CCDC91: variants seen among roughly 807,000 people sequenced by gnomAD.
CCDC91 encodes the protein coiled-coil domain-containing protein 91.
CCDC91 carries 48 observed loss-of-function variants against 63.2 expected under a neutral mutation model. The observed-to-expected ratio is 0.76, with a 90% CI of 0.60 to 0.97. The LOEUF (loss-of-function observed/expected upper bound fraction) is 0.97, where lower values mean the gene tolerates loss of function less well. Ranked by LOEUF, CCDC91 falls within the 50% of genes least tolerant of loss-of-function variation. The probability of loss-of-function intolerance (pLI) is 0.00; values close to 1 mark genes in which losing one functional copy is unlikely to be tolerated. For missense variants in CCDC91, 500 were observed against 494.6 expected (o/e 1.01, Z -0.10); for synonymous variants, 167 against 165.8 (o/e 1.01, Z -0.06).
intron 12 of CCDC91, among the ~76,000 whole-genome samples, chr12:28,527,706 A>G (rs1941390627): frequency 6.6e-6 from 1 of 152,184 alleles, no homozygotes; most frequent in East Asian, 1.9e-4. Context: ...GTGGTAGGAA[A>G]GGACCATTAG....
chr12:28,335,953 A>T (rs11049539), intron 6 of CCDC91, among the ~76,000 whole-genome samples: 30,653 of 145,132 alleles, frequency 0.21, 4,009 homozygotes, highest in Non-Finnish European at 0.3. Flanking sequence ...TTTTTTTTTT[A>T]AAAAAAAACC....
At chr12:28,448,903 G>A (rs191235968) in intron 8 of CCDC91, among the ~76,000 whole-genome samples, 55 of 151,960 alleles carry the variant, frequency 3.6e-4, no homozygotes, top group African/African-American at 9.2e-4. Flanking sequence ...GAAATTCTGC[G>A]TGCATCTAGA....
chr12:28,417,809 G>A (rs187401315), intron 8 of CCDC91, among the ~76,000 whole-genome samples: 4 of 152,036 alleles, frequency 2.6e-5, no homozygotes, highest in South Asian at 2.1e-4. Context: ...TCCCAATGCC[G>A]TACATTAAGT....
intron 1 of CCDC91, among the ~76,000 whole-genome samples, chr12:28,198,283 G>C (rs1266017414): frequency 6.6e-6 from 1 of 152,130 alleles, no homozygotes; most frequent in East Asian, 1.9e-4. Flanking sequence ...TGCAATTGTA[G>C]TAAAGACAGT....
At chr12:28,203,326 G>C (rs1053861777) in intron 1 of CCDC91, among the ~76,000 whole-genome samples, 1 of 152,176 alleles carries the variant, frequency 6.6e-6, no homozygotes, top group Non-Finnish European at 1.5e-5. Context: ...TTGCTTTATG[G>C]AGGAAAGGAT....
intron 6 of CCDC91, among the ~76,000 whole-genome samples, chr12:28,334,695 TC>T (rs1941790164): frequency 6.6e-6 from 1 of 152,320 alleles, no homozygotes; most frequent in South Asian, 2.1e-4. Context: ...TTTTTGGATT[TC>T]TGGGTTGCCT....
rs60083355 is a variant in CCDC91 at position 28,458,455 on chromosome 12, C to CTTTTTTTTTTTTTTT, written c.1101+5819_1101+5833dup. Among the ~76,000 whole-genome samples, 31 of 45,806 alleles carry CTTTTTTTTTTTTTTT rather than the reference C, an allele frequency of 6.8e-4. 7 individuals are homozygous for CTTTTTTTTTTTTTTT. Among genetic ancestry groups the CTTTTTTTTTTTTTTT allele is most frequent in the African/African-American group, 3.0e-3 (27 of 9,074 alleles). The allele number at this position is 45,806 out of a possible 152,430, so 30.1% of individuals were successfully genotyped here. ...TTCCCTTTTGTCCTCATTTGCACAC[C>CTTTTTTTTTTTTTTT]TTTTTTTTTTTTTTTTTTTTTTTTT... On this transcript the variant is annotated intron_variant, in intron 11 of 12. Coordinates refer to ENST00000536442, the MANE Select transcript of CCDC91 (RefSeq NM_018318.5).
chr12:28,201,328 G>A (rs1323656804), intron 1 of CCDC91, among the ~76,000 whole-genome samples: 1 of 150,724 alleles, frequency 6.6e-6, no homozygotes, highest in Non-Finnish European at 1.5e-5. Context: ...GCCGGGCAGA[G>A]ACGCTCCTCA....
intron 3 of CCDC91, among the ~76,000 whole-genome samples, chr12:28,298,384 A>T (rs375488870): frequency 6.9e-5 from 9 of 129,670 alleles, no homozygotes; most frequent in Non-Finnish European, 1.2e-4. Flanking sequence ...TTTTCCCCCC[A>T]CAAAAGCTAG....
At chr12:28,218,900 G>T (rs772341372) in intron 1 of CCDC91, among the ~76,000 whole-genome samples, 10 of 152,080 alleles carry the variant, frequency 6.6e-5, no homozygotes, top group Admixed American at 3.3e-4. Flanking sequence ...CATTTGAATT[G>T]TTTCTAGTTT....
intron 12 of CCDC91, among the ~76,000 whole-genome samples, chr12:28,524,574 A>G (rs1393866864): frequency 6.6e-6 from 1 of 151,978 alleles, no homozygotes; most frequent in Non-Finnish European, 1.5e-5. Flanking sequence ...TTTTGGTTGT[A>G]TCCTTTCCTG....
At chr12:28,403,064 G>A (rs1377696425) in intron 8 of CCDC91, among the ~76,000 whole-genome samples, 1 of 152,094 alleles carries the variant, frequency 6.6e-6, no homozygotes, top group Non-Finnish European at 1.5e-5. Flanking sequence ...AGGATTTTTG[G>A]TGTCTCACAA....
At chr12:28,225,187 G>A (rs1789995527) in intron 1 of CCDC91, among the ~76,000 whole-genome samples, 4 of 152,058 alleles carry the variant, frequency 2.6e-5, no homozygotes, top group African/African-American at 9.7e-5. Context: ...TTGTATTTTT[G>A]CAATATAAAA....
At chr12:28,314,055 A>G (rs1939595572) in intron 6 of CCDC91, among the ~76,000 whole-genome samples, 1 of 152,034 alleles carries the variant, frequency 6.6e-6, no homozygotes, top group Non-Finnish European at 1.5e-5. Flanking sequence ...CAGTATTGGT[A>G]TCTATGGCTA....
chr12:28,395,122 T>C (rs925016261), intron 8 of CCDC91, among the ~76,000 whole-genome samples: 17 of 152,194 alleles, frequency 1.1e-4, no homozygotes, highest in Non-Finnish European at 4.4e-5. Context: ...ATATGTTGTC[T>C]TGTCAAAGAA....
rs374954145 is a variant in CCDC91, at chr12:28,394,465, A to ACAAAC, written c.762+3054_762+3055insCAAAC. Among the ~76,000 whole-genome samples, 167 of 151,834 alleles carry ACAAAC rather than the reference A, an allele frequency of 1.1e-3. 2 individuals are homozygous for ACAAAC. The highest frequency in any genetic ancestry group is 3.4e-3 in the African/African-American group (142 of 41,256). ...TGGGCGACAGAGAGTCTGTCTCAAAAAAACAAACAAACAAAAAAAAAACAA... is the reference window on the plus strand; with the variant it reads ...TGGGCGACAGAGAGTCTGTCTCAAAACAAACAAACAAACAAACAAAAAAAAAACAA... On this transcript the variant is annotated intron_variant, in intron 8 of 12. Coordinates refer to ENST00000536442, the MANE Select transcript of CCDC91 (RefSeq NM_018318.5).
chr12:28,250,299 T>G (rs985202651), intron 1 of CCDC91, among the ~76,000 whole-genome samples: 22 of 152,300 alleles, frequency 1.4e-4, no homozygotes, highest in African/African-American at 5.1e-4. Flanking sequence ...GTAGTTGGGA[T>G]GTTTTCCTAT....
intron 7 of CCDC91, among the ~76,000 whole-genome samples, chr12:28,371,720 G>A (rs540144406): frequency 2.0e-5 from 3 of 152,214 alleles, no homozygotes; most frequent in Non-Finnish European, 4.4e-5. Context: ...TTCATTAGGT[G>A]AGAAATCCAT....
At chr12:28,364,283 G>A (rs1022889060) in intron 7 of CCDC91, among the ~76,000 whole-genome samples, 3 of 152,054 alleles carry the variant, frequency 2.0e-5, no homozygotes, top group African/African-American at 4.8e-5. Flanking sequence ...CTACTTGGGG[G>A]AGGCTGAGGC....
Sources: allele counts gnomAD v4.1 joint callset (sites outside exome capture counted in the v4.1 genomes callset), GRCh38; gene constraint gnomAD v4.1.1; transcripts MANE v1.5; gene names NCBI Gene and HGNC (gene_info 2026-07-23, HGNC 2026-07-21).